The following NBEA variants were observed in gnomAD, a reference collection of about 807,000 sequenced individuals.
NBEA encodes the protein neurobeachin, also known as lysosomal-trafficking regulator 2.
In NBEA, 44 loss-of-function variants were observed where a neutral mutation model predicts 343.4. The observed-to-expected ratio is 0.13, with a 90% CI of 0.10 to 0.16. The LOEUF is 0.16. Among genes scored for constraint, NBEA ranks in the 10% least tolerant of loss-of-function variants. The probability of loss-of-function intolerance (pLI) is 1.00; values close to 1 mark genes in which losing one functional copy is unlikely to be tolerated. For missense variants in NBEA, 2,555 were observed against 3,631.3 expected (o/e 0.70, Z 7.62); for synonymous variants, 1,175 against 1,238.7 (o/e 0.95, Z 1.08).
At chr13:35,420,214 A>C (rs1156457109) in intron 38 of NBEA, among the ~76,000 whole-genome samples, 1 of 152,058 alleles carries the variant, frequency 6.6e-6, no homozygotes, top group Non-Finnish European at 1.5e-5. Flanking sequence ...TTTTAGGTGG[A>C]GAACATTCAG....
intron 45 of NBEA, among the ~76,000 whole-genome samples, chr13:35,575,663 C>T (rs1324647344): frequency 6.6e-6 from 1 of 152,024 alleles, no homozygotes; most frequent in Non-Finnish European, 1.5e-5. Flanking sequence ...AGTATTTTCC[C>T]ATATAATCAG....
At chr13:35,253,164 C>CA (rs762918970) in intron 34 of NBEA, among the ~76,000 whole-genome samples, 2 of 152,130 alleles carry the variant, frequency 1.3e-5, no homozygotes, top group Admixed American at 6.5e-5. Context: ...CCCAGACCCT[C>CA]AAAAAAACCC....
intron 41 of NBEA, among the ~76,000 whole-genome samples, chr13:35,503,306 T>G (rs1046242533): frequency 6.6e-6 from 1 of 151,796 alleles, no homozygotes; most frequent in Non-Finnish European, 1.5e-5. Context: ...AGATAAGAAT[T>G]TAAAATACTA....
At chr13:35,000,237 A>G (rs115159566) in intron 1 of NBEA, among the ~76,000 whole-genome samples, 404 of 152,268 alleles carry the variant, frequency 2.7e-3, no homozygotes, top group African/African-American at 8.8e-3. Flanking sequence ...GAACCAGGAG[A>G]AAATAATGGG....
At chr13:35,305,578 C>G (rs1328032978) in intron 35 of NBEA, among the ~76,000 whole-genome samples, 1 of 152,048 alleles carries the variant, frequency 6.6e-6, no homozygotes, top group Non-Finnish European at 1.5e-5. Flanking sequence ...AGAGCCGGGG[C>G]ATGCTTAGAC....
intron 17 of NBEA, among the ~76,000 whole-genome samples, chr13:35,133,139 A>G (rs1265576121): frequency 6.6e-6 from 1 of 152,186 alleles, no homozygotes; most frequent in East Asian, 1.9e-4. Flanking sequence ...TATCCTAAAC[A>G]TACGAAAAAA....
intron 38 of NBEA, among the ~76,000 whole-genome samples, chr13:35,371,980 C>G (rs1166234521): frequency 6.6e-6 from 1 of 152,122 alleles, no homozygotes; most frequent in African/African-American, 2.4e-5. Context: ...TGGGCCAGTC[C>G]TTTGGGCTCT....
At chr13:35,375,318 C>T (rs572880489) in intron 38 of NBEA, among the ~76,000 whole-genome samples, 153 of 152,172 alleles carry the variant, frequency 1.0e-3, no homozygotes, top group African/African-American at 3.5e-3. Context: ...TTAGCCACGC[C>T]GTCTCAACGT....
intron 45 of NBEA, among the ~76,000 whole-genome samples, chr13:35,579,726 C>T (rs1287095771): frequency 6.6e-6 from 1 of 152,142 alleles, no homozygotes; most frequent in East Asian, 1.9e-4. Flanking sequence ...TTTATCAGAG[C>T]CTTAAGATCA....
chr13:35,247,775 T>G (rs1015082966), intron 34 of NBEA, among the ~76,000 whole-genome samples: 2 of 152,134 alleles, frequency 1.3e-5, no homozygotes, highest in Non-Finnish European at 2.9e-5. Context: ...AAGTAGAAGC[T>G]GCAATTTAGT....
In NBEA at chr13:35,628,904, C is replaced by T. The variant is rs143854786; in HGVS notation, c.7617+656C>T. 3.0e-3 allele frequency among the ~76,000 whole-genome samples: 459 copies of T among 152,062 alleles called. 3 individuals are homozygous for T. Among genetic ancestry groups the T allele is most frequent in the African/African-American group, 0.011 (437 of 41,484 alleles). ...CTGCACTCCAGCCTGGGTGACAGAG[C>T]GAGACCCTATCTCAAAAAAATAATA... On this transcript the variant is annotated intron_variant, in intron 49 of 58. Coordinates refer to ENST00000379939, the MANE Select transcript of NBEA (RefSeq NM_001385012.1).
chr13:34,962,073 TTTTC>T (rs1271950090), intron 1 of NBEA, among the ~76,000 whole-genome samples: 1 of 152,116 alleles, frequency 6.6e-6, no homozygotes, highest in Non-Finnish European at 1.5e-5. Context: ...TATTTTACAT[TTTTC>T]TTTTCATGTG....
intron 8 of NBEA, among the ~76,000 whole-genome samples, chr13:35,067,555 A>G (rs984379270): frequency 6.6e-6 from 1 of 152,052 alleles, no homozygotes; most frequent in Non-Finnish European, 1.5e-5. Flanking sequence ...ATTTTAGAAC[A>G]TTTCTATCAC....
intron 41 of NBEA, among the ~76,000 whole-genome samples, chr13:35,538,110 A>C (rs1001871314): frequency 1.3e-5 from 2 of 152,170 alleles, no homozygotes; most frequent in African/African-American, 4.8e-5. Context: ...AGATAACCGC[A>C]GGTGGAGTAT....
intron 1 of NBEA, among the ~76,000 whole-genome samples, chr13:35,007,986 A>G (rs1335844614): frequency 6.6e-6 from 1 of 152,104 alleles, no homozygotes; most frequent in East Asian, 1.9e-4. Flanking sequence ...GTATATAAAA[A>G]TTGTAAACGC....
At chr13:34,959,401 A>G (rs1399325387) in intron 1 of NBEA, among the ~76,000 whole-genome samples, 2 of 152,102 alleles carry the variant, frequency 1.3e-5, no homozygotes, top group African/African-American at 4.8e-5. Flanking sequence ...ATACTGGACT[A>G]TACTAAGTAT....
At chr13:35,628,476 A>T (rs914562074) in intron 49 of NBEA, among the ~76,000 whole-genome samples, 1 of 152,234 alleles carries the variant, frequency 6.6e-6, no homozygotes, top group Non-Finnish European at 1.5e-5. Flanking sequence ...CTATATCTGT[A>T]TATTTGTTTT....
At chr13:35,417,363 G>T (rs1238125977) in intron 38 of NBEA, among the ~76,000 whole-genome samples, 2 of 152,012 alleles carry the variant, frequency 1.3e-5, no homozygotes, top group South Asian at 4.1e-4. Flanking sequence ...GCTTTCTCTT[G>T]TGGGCATTTG....
chr13:35,294,123 C>CT (rs1409405348), intron 35 of NBEA, among the ~76,000 whole-genome samples: 1 of 151,872 alleles, frequency 6.6e-6, no homozygotes, highest in Non-Finnish European at 1.5e-5. Context: ...TTTGAATTTA[C>CT]TTTTTTCTAA....
Sources: allele counts gnomAD v4.1 joint callset (sites outside exome capture counted in the v4.1 genomes callset), GRCh38; gene constraint gnomAD v4.1.1; transcripts MANE v1.5; gene names NCBI Gene and HGNC (gene_info 2026-07-23, HGNC 2026-07-21).